Variants in GRAMD1B observed in about 807,000 individuals in gnomAD.
GRAMD1B encodes the protein GRAM domain containing 1B, also known as protein Aster-B.
Under a neutral mutation model 99.7 loss-of-function variants are expected in GRAMD1B, and 37 were observed. That is an observed-to-expected ratio of 0.37 (90% confidence interval 0.29 to 0.49). The LOEUF (loss-of-function observed/expected upper bound fraction) is 0.49. GRAMD1B is among the 20% of genes least tolerant of loss of function. GRAMD1B has a pLI of 0.98. For missense variants in GRAMD1B, 888 were observed against 1,009.2 expected, an observed-to-expected ratio of 0.88 and a Z score of 1.63; for synonymous variants, 427 against 387.6, an observed-to-expected ratio of 1.10 and a Z score of -1.19.
intron 1 of GRAMD1B, among the ~76,000 whole-genome samples, chr11:123,471,732 G>C (rs1177328961): frequency 2.0e-5 from 3 of 152,170 alleles, no homozygotes; most frequent in Admixed American, 6.5e-5. Flanking sequence ...CAGTGGTGAA[G>C]AAGTAGGGGC....
At chr11:123,426,749 C>T (rs955201828), upstream of GRAMD1B, among the ~76,000 whole-genome samples, 3 of 152,088 alleles carry the variant, frequency 2.0e-5, no homozygotes, top group African/African-American at 7.2e-5. Context: ...ATAAGGTGTC[C>T]GGGGTGCCAG....
rs180782744 is a variant in GRAMD1B at position 123,453,142 on chromosome 11, G to A, written c.374+21976G>A. 1.1e-3 allele frequency among the ~76,000 whole-genome samples: 164 copies of A among 152,090 alleles called. 1 individual carries two copies. Among genetic ancestry groups the A allele is most frequent in the Non-Finnish European group, 1.0e-4 (7 of 67,988 alleles). On this transcript the variant is annotated intron_variant, in intron 1 of 19. Transcript: ENST00000635736. ...GATCAGTTCAACAGTATCCTTAGAAGGTTAGGAAGAAACAATTGTCAGTGT... is the reference window on the plus strand; with the variant it reads ...GATCAGTTCAACAGTATCCTTAGAAAGTTAGGAAGAAACAATTGTCAGTGT...
intron 1 of GRAMD1B, among the ~76,000 whole-genome samples, chr11:123,418,536 C>A (rs550881307): frequency 6.6e-6 from 1 of 152,228 alleles, no homozygotes; most frequent in East Asian, 1.9e-4. Context: ...AAAACCTGAA[C>A]TTTAGTTAAT....
rs141400388 is a variant in GRAMD1B at position 123,378,876 on chromosome 11, G to A, written c.-176+20077G>A. Reference sequence around the variant, plus strand: ...GCTTAGAGTCTTCTCATGCACAAGAGCAATAGGATTTAACATCTAAATGTA... The same window carrying A: ...GCTTAGAGTCTTCTCATGCACAAGAACAATAGGATTTAACATCTAAATGTA... On this transcript the variant is annotated intron_variant, in intron 1 of 20. Coordinates refer to the GRAMD1B transcript ENST00000638157. Among the ~76,000 whole-genome samples the A allele has an allele frequency of 2.1e-4, 32 of 152,266 alleles. No homozygotes were observed. In the East Asian group the frequency reaches 6.0e-3, roughly 28 times the overall value.
At position 123,587,631 on chromosome 11, in the gene GRAMD1B, C is replaced by G. The variant is rs1438415345; in HGVS notation, c.684+3299C>G. Reference sequence around the variant, plus strand: ...GCGGGCAGTCTTCTCCATGGCAGCCCCAGAAGGAGCATTTCTGAGATCAGA... The same window carrying G: ...GCGGGCAGTCTTCTCCATGGCAGCCGCAGAAGGAGCATTTCTGAGATCAGA... On this transcript the variant is annotated intron_variant, in intron 4 of 19. Coordinates refer to ENST00000635736, the MANE Select transcript of GRAMD1B (RefSeq NM_001387025.1). The surrounding 1 kb of genome is among the most constrained non-coding windows in gnomAD (Gnocchi z 4.2). Among the ~76,000 whole-genome samples, 1 of 152,164 alleles carries G rather than the reference C, an allele frequency of 6.6e-6. No individual in the cohort carries two copies. Among genetic ancestry groups the G allele is most frequent in the East Asian group, 1.9e-4 (1 of 5,180 alleles).
chr11:123,496,351 A>G (rs985880495), intron 2 of GRAMD1B, among the ~76,000 whole-genome samples: 4 of 151,610 alleles, frequency 2.6e-5, no homozygotes, highest in African/African-American at 9.7e-5. Context: ...GTTCAATTGT[A>G]TGTTGTTTCT....
At chr11:123,487,673 C>T (rs1009854527) in intron 2 of GRAMD1B, among the ~76,000 whole-genome samples, 3 of 152,176 alleles carry the variant, frequency 2.0e-5, no homozygotes, top group Non-Finnish European at 2.9e-5. Context: ...GATGCAATCT[C>T]GGCTCACTGC....
intron 2 of GRAMD1B, among the ~76,000 whole-genome samples, chr11:123,536,274 G>A (rs762918786): frequency 3.9e-5 from 6 of 152,080 alleles, no homozygotes; most frequent in African/African-American, 7.2e-5. Flanking sequence ...AATTAGCTGG[G>A]TGTGGTGGTG....
chr11:123,400,678 C>T (rs1397206892), intron 1 of GRAMD1B, among the ~76,000 whole-genome samples: 2 of 152,036 alleles, frequency 1.3e-5, no homozygotes, highest in Admixed American at 6.6e-5. Context: ...TTCATGAGGG[C>T]TCCACCCTCA....
At chr11:123,411,954 A>C (rs1180800481) in intron 1 of GRAMD1B, among the ~76,000 whole-genome samples, 1 of 152,006 alleles carries the variant, frequency 6.6e-6, no homozygotes, top group African/African-American at 2.4e-5. Context: ...TTTTGAAAAC[A>C]ATTATTATGA....
chr11:123,437,252 G>A (rs1013605235), intron 1 of GRAMD1B, among the ~76,000 whole-genome samples: 1 of 152,146 alleles, frequency 6.6e-6, no homozygotes, highest in Admixed American at 6.5e-5. Context: ...ATACTCACAT[G>A]TCTTTCTAAC....
intron 1 of GRAMD1B, among the ~76,000 whole-genome samples, chr11:123,443,158 A>G (rs1179992725): frequency 6.6e-6 from 1 of 152,188 alleles, no homozygotes; most frequent in Non-Finnish European, 1.5e-5. Context: ...GCTATTCAAG[A>G]TGGAGTTGCT....
chr11:123,615,079 A>G (rs1001893257), intron 17 of GRAMD1B, among the ~76,000 whole-genome samples: 8 of 152,242 alleles, frequency 5.3e-5, no homozygotes, highest in African/African-American at 7.2e-5. Context: ...TTCATGCAGC[A>G]TCCATACCCT....
At chr11:123,548,129 A>G (rs186104935) in intron 2 of GRAMD1B, among the ~76,000 whole-genome samples, 41 of 151,534 alleles carry the variant, frequency 2.7e-4, no homozygotes, top group African/African-American at 7.8e-4. Context: ...AGAGATTGCA[A>G]TGGGGGGTGA....
chr11:123,621,133 T>A (rs1955074102), intron 19 of GRAMD1B, among the ~76,000 whole-genome samples: 1 of 152,168 alleles, frequency 6.6e-6, no homozygotes, highest in African/African-American at 2.4e-5. Flanking sequence ...GGCCCCCTCC[T>A]CTGTCTTGAG....
Position 123,577,496 on chromosome 11 carries a change from C to T in GRAMD1B, c.582C>T (p.Asp194=). 1 of 1,603,192 alleles carries T rather than the reference C, an allele frequency of 6.2e-7. No homozygotes were observed. Among genetic ancestry groups the T allele is most frequent in the Non-Finnish European group, 8.5e-7 (1 of 1,175,198 alleles). ...MVEKGSDHSS[D]KSPSTPEQGV... is the part of the protein sequence containing the mutation. ...AGAAGGGCTCAGATCACTCCTCGGA[C>T]AAGTCCCCGTCCACACCGGAGCAGG... Residue 194 remains aspartate, a synonymous_variant, in exon 3 of 20, where the codon GAC becomes GAT. Transcript: ENST00000635736.
At chr11:123,450,815 C>G (rs773323644) in intron 1 of GRAMD1B, among the ~76,000 whole-genome samples, 3 of 152,162 alleles carry the variant, frequency 2.0e-5, no homozygotes, top group Non-Finnish European at 4.4e-5. Flanking sequence ...AGCTGGGTCT[C>G]TCTGCAGCTG....
intron 1 of GRAMD1B, among the ~76,000 whole-genome samples, chr11:123,475,704 T>G (rs1368687981): frequency 6.6e-6 from 1 of 152,222 alleles, no homozygotes; most frequent in African/African-American, 2.4e-5. Flanking sequence ...CAGTTTCATC[T>G]GTTAGTGCCC....
chr11:123,574,734 A>C (rs1057498852), intron 2 of GRAMD1B, among the ~76,000 whole-genome samples: 1 of 152,180 alleles, frequency 6.6e-6, no homozygotes, highest in African/African-American at 2.4e-5. Flanking sequence ...GGAAGCATCC[A>C]CCTGGCAGCA....
Sources: allele counts gnomAD v4.1 joint callset (sites outside exome capture counted in the v4.1 genomes callset), GRCh38; gene constraint gnomAD v4.1.1; non-coding constraint Gnocchi (gnomAD v3.1); transcripts MANE v1.5; gene names NCBI Gene and HGNC (gene_info 2026-07-23, HGNC 2026-07-21).